Variants in DPP6 observed in about 807,000 individuals in gnomAD.
The protein encoded by DPP6 is dipeptidyl peptidase like 6, also known as A-type potassium channel modulatory protein DPP6.
Under a neutral mutation model 122.6 loss-of-function variants are expected in DPP6, and 69 were observed. The ratio of observed to expected loss-of-function variants is 0.56; its 90% CI spans 0.46 to 0.69. The LOEUF is 0.69. DPP6 is among the 30% of genes least tolerant of loss of function. The pLI, the probability that DPP6 is intolerant of heterozygous loss-of-function variation, is 0.00. For synonymous variants in DPP6, 418 were observed against 433.1 expected (o/e 0.97, Z 0.43); for missense variants, 928 against 1,116.9 (o/e 0.83, Z 2.41).
intron 1 of DPP6, among the ~76,000 whole-genome samples, chr7:154,167,775 T>C (rs1797329326): frequency 6.6e-6 from 1 of 152,252 alleles, no homozygotes; most frequent in Admixed American, 6.5e-5. Context: ...TTTAATTTTT[T>C]AGTTAATTCA....
chr7:154,398,278 G>C (rs1033274000), intron 1 of DPP6, among the ~76,000 whole-genome samples: 4 of 152,160 alleles, frequency 2.6e-5, no homozygotes, highest in Non-Finnish European at 2.9e-5. Flanking sequence ...AAACCGAGGG[G>C]CAGATAATTT....
intron 1 of DPP6, among the ~76,000 whole-genome samples, chr7:154,222,381 C>T (rs938360059): frequency 2.0e-5 from 3 of 151,990 alleles, no homozygotes; most frequent in African/African-American, 7.3e-5. Context: ...TGTAGCCAGG[C>T]GCAGTGGCTC....
At chr7:153,835,113 A>G in the DPP6 span, among the ~76,000 whole-genome samples, 2 of 152,362 alleles carry the variant, frequency 1.3e-5, no homozygotes, top group South Asian at 4.1e-4. Context: ...CCAGAGGGGA[A>G]CTAATGGAAG....
chr7:153,770,217 C>G, the DPP6 span, among the ~76,000 whole-genome samples: 1 of 152,086 alleles, frequency 6.6e-6, no homozygotes, highest in Non-Finnish European at 1.5e-5. Context: ...GATGAATACT[C>G]ATTGCAACTG....
intron 1 of DPP6, among the ~76,000 whole-genome samples, chr7:154,243,342 CA>C (rs1801766541): frequency 1.3e-5 from 2 of 149,364 alleles, no homozygotes; most frequent in Non-Finnish European, 3.0e-5. Flanking sequence ...AATTTTCAGA[CA>C]AGGATTTTAA....
At chr7:154,780,164 G>A (rs2150401096) in intron 10 of DPP6, among the ~76,000 whole-genome samples, 1 of 152,306 alleles carries the variant, frequency 6.6e-6, no homozygotes, top group East Asian at 1.9e-4. Flanking sequence ...AGGGTGAGAA[G>A]CCATTCCCAG....
chr7:154,016,702 T>C (rs1798435468), intron 1 of DPP6, among the ~76,000 whole-genome samples: 1 of 152,220 alleles, frequency 6.6e-6, no homozygotes, highest in South Asian at 2.1e-4. Context: ...GATCATTTGG[T>C]AGTTTTAGAT....
chr7:154,345,384 T>C (rs575244372), intron 1 of DPP6, among the ~76,000 whole-genome samples: 1 of 152,250 alleles, frequency 6.6e-6, no homozygotes, highest in Non-Finnish European at 1.5e-5. Context: ...ATATTTTAGA[T>C]TGTGCTACTT....
intron 6 of DPP6, among the ~76,000 whole-genome samples, chr7:154,651,009 G>A (rs900707926): frequency 2.0e-5 from 3 of 152,094 alleles, no homozygotes; most frequent in Non-Finnish European, 4.4e-5. Flanking sequence ...ACCATTGCCC[G>A]AAGGTACATT....
chr7:154,272,049 C>A (rs975685519), intron 1 of DPP6, among the ~76,000 whole-genome samples: 4 of 152,174 alleles, frequency 2.6e-5, no homozygotes, highest in Non-Finnish European at 5.9e-5. Context: ...ATTTTGCATC[C>A]TGAAATAATC....
chr7:154,245,199 C>T (rs767836518), intron 1 of DPP6, among the ~76,000 whole-genome samples: 7 of 151,718 alleles, frequency 4.6e-5, no homozygotes, highest in African/African-American at 1.5e-4. Context: ...GTGATCCTCC[C>T]GCCTCGGCCT....
At chr7:153,810,556 T>C in the DPP6 span, among the ~76,000 whole-genome samples, 1 of 152,120 alleles carries the variant, frequency 6.6e-6, no homozygotes, top group Non-Finnish European at 1.5e-5. Flanking sequence ...GCCTAACTAG[T>C]GTTTCTTCCA....
chr7:153,883,987 CT>C (rs897190237), upstream of DPP6, among the ~76,000 whole-genome samples: 15 of 152,144 alleles, frequency 9.9e-5, no homozygotes, highest in Non-Finnish European at 1.8e-4. Context: ...TTATTTGTTT[CT>C]TTTTTTGGGG....
At chr7:153,846,024 A>T in the DPP6 span, among the ~76,000 whole-genome samples, 1 of 152,212 alleles carries the variant, frequency 6.6e-6, no homozygotes, top group African/African-American at 2.4e-5. Flanking sequence ...CCTTGCTCAT[A>T]AGTTAGTGTA....
At chr7:154,668,220 A>ATATATATATATATATATATATAT (rs59348250) in intron 6 of DPP6, among the ~76,000 whole-genome samples, 445 of 24,894 alleles carry the variant, frequency 0.018, 29 homozygotes, top group South Asian at 0.05. Flanking sequence ...TATATATATA[A>ATATATATATATATATATATATAT]TATACACATT....
At chr7:154,768,827 C>G (rs1011039258) in intron 8 of DPP6, among the ~76,000 whole-genome samples, 28 of 152,150 alleles carry the variant, frequency 1.8e-4, no homozygotes, top group Admixed American at 9.2e-4. Flanking sequence ...AGCTTGTACC[C>G]TTCTTGTAAG....
At chr7:154,197,449 C>T (rs1034052010) in intron 1 of DPP6, among the ~76,000 whole-genome samples, 2 of 152,102 alleles carry the variant, frequency 1.3e-5, no homozygotes, top group African/African-American at 4.8e-5. Context: ...AGATGACTTC[C>T]ACCTCCTCAC....
intron 3 of DPP6, among the ~76,000 whole-genome samples, chr7:154,501,520 C>G (rs926221546): frequency 6.6e-6 from 1 of 152,144 alleles, no homozygotes; most frequent in African/African-American, 2.4e-5. Context: ...GCTGAAATGG[C>G]CCAAGTTAGA....
intron 1 of DPP6, among the ~76,000 whole-genome samples, chr7:154,251,023 C>T (rs1275329733): frequency 2.0e-5 from 3 of 152,226 alleles, no homozygotes; most frequent in Non-Finnish European, 2.9e-5. Context: ...GTCTGAGCCT[C>T]AGTTTCTCCA....
Sources: gnomAD v4.1 joint callset for allele counts (sites outside exome capture counted in the v4.1 genomes callset) on GRCh38, gnomAD v4.1.1 for gene constraint, MANE v1.5 for transcripts, NCBI Gene and HGNC (gene_info 2026-07-23, HGNC 2026-07-21) for gene names.